ATAD2B: variants seen among roughly 807,000 people sequenced by gnomAD.
ATAD2B encodes ATPase family AAA domain containing 2B.
ATAD2B carries 40 observed loss-of-function variants against 167.6 expected under a neutral mutation model. The ratio of observed to expected loss-of-function variants is 0.24; its 90% CI spans 0.19 to 0.31. The LOEUF (loss-of-function observed/expected upper bound fraction) is 0.31. Ranked by LOEUF, ATAD2B falls within the 10% of genes least tolerant of loss-of-function variation. ATAD2B has a pLI of 1.00. For synonymous variants in ATAD2B, 579 were observed against 596.5 expected (o/e 0.97, Z 0.43); for missense variants, 1,242 against 1,757.2 (o/e 0.71, Z 5.24).
intron 1 of ATAD2B, 75 bp downstream of exon 1, chr2:23,926,480 C>G (rs1431958221): frequency 6.7e-7 from 1 of 1,499,362 alleles, no homozygotes; most frequent in African/African-American, 1.4e-5. Flanking sequence ...TTCCTACCCC[C>G]AACCCGGCCA....
At chr2:23,768,572 CAA>C (rs756238773) in intron 22 of ATAD2B, among the ~76,000 whole-genome samples, 35 of 135,494 alleles carry the variant, frequency 2.6e-4, no homozygotes, top group Non-Finnish European at 2.6e-4. Flanking sequence ...ATCCTGTCTC[CAA>C]AAAAAAAAAA....
intron 12 of ATAD2B, among the ~76,000 whole-genome samples, chr2:23,858,132 AT>A (rs1693729090): frequency 6.8e-6 from 1 of 147,440 alleles, no homozygotes; most frequent in Non-Finnish European, 1.5e-5. Context: ...TTATTTATTT[AT>A]TTTTTGAGAC....
At chr2:23,748,463 T>G (rs1675034224), downstream of ATAD2B, among the ~76,000 whole-genome samples, 1 of 152,150 alleles carries the variant, frequency 6.6e-6, no homozygotes, top group Non-Finnish European at 1.5e-5. Context: ...CAACTAAAAC[T>G]AAAACCACGC....
chr2:23,701,786 TTTTTTGC>T, the ATAD2B span, among the ~76,000 whole-genome samples: 9,284 of 128,934 alleles, frequency 0.072, 1,029 homozygotes, highest in African/African-American at 0.09. Context: ...CACATGGCTT[TTTTTTGC>T]TTTTTTTTTT....
chr2:23,693,598 G>C, the ATAD2B span: 1 of 1,462,656 alleles, frequency 6.8e-7, no homozygotes, highest in Non-Finnish European at 9.3e-7. Flanking sequence ...GGGGTCTGCA[G>C]CAAGGAGGAA....
At chr2:23,882,550 T>C (rs1194956146) in intron 6 of ATAD2B, among the ~76,000 whole-genome samples, 2 of 144,324 alleles carry the variant, frequency 1.4e-5, no homozygotes, top group Non-Finnish European at 3.0e-5. Flanking sequence ...GGCTCATGCC[T>C]ATAATCCCAG....
At chr2:23,711,970 G>A in the ATAD2B span, among the ~76,000 whole-genome samples, 2 of 152,054 alleles carry the variant, frequency 1.3e-5, no homozygotes, top group South Asian at 2.1e-4. Flanking sequence ...TTAAGAAGAC[G>A]AAACAGTCTC....
the ATAD2B span, among the ~76,000 whole-genome samples, chr2:23,711,731 C>T: frequency 6.6e-6 from 1 of 151,972 alleles, no homozygotes; most frequent in Admixed American, 6.6e-5. Context: ...ATTTTGGGTA[C>T]CATAAGCAAT....
chr2:23,851,587 A>G (rs962823149), intron 13 of ATAD2B, among the ~76,000 whole-genome samples: 6 of 152,166 alleles, frequency 3.9e-5, no homozygotes, highest in African/African-American at 1.4e-4. Flanking sequence ...ACTTATTTCA[A>G]CTGATGAACC....
chr2:23,793,172 G>A (rs1481343242), intron 19 of ATAD2B, among the ~76,000 whole-genome samples: 1 of 151,984 alleles, frequency 6.6e-6, no homozygotes, highest in East Asian at 1.9e-4. Context: ...CATAAACCTA[G>A]AGAGACAATG....
At chr2:23,828,380 A>G (rs1313617786) in intron 15 of ATAD2B, among the ~76,000 whole-genome samples, 1 of 152,224 alleles carries the variant, frequency 6.6e-6, no homozygotes, top group African/African-American at 2.4e-5. Context: ...ACTACCAAAT[A>G]TAATTAACTA....
At chr2:23,811,652 C>T (rs561140074) in intron 17 of ATAD2B, among the ~76,000 whole-genome samples, 65 of 152,056 alleles carry the variant, frequency 4.3e-4, no homozygotes, top group Non-Finnish European at 5.9e-4. Context: ...ATGCAGATGA[C>T]GGGTTGATAG....
At chr2:23,725,518 T>C in the ATAD2B span, among the ~76,000 whole-genome samples, 3 of 152,206 alleles carry the variant, frequency 2.0e-5, no homozygotes, top group Admixed American at 2.0e-4. Context: ...AAATATAACA[T>C]ATGGCTGGAA....
At chr2:23,715,191 G>A in the ATAD2B span, among the ~76,000 whole-genome samples, 2 of 152,160 alleles carry the variant, frequency 1.3e-5, no homozygotes, top group South Asian at 4.1e-4. Flanking sequence ...ATCTTTTTAA[G>A]TCACCTGCAG....
chr2:23,854,724 C>G (rs1693102583), intron 13 of ATAD2B, among the ~76,000 whole-genome samples: 1 of 147,218 alleles, frequency 6.8e-6, no homozygotes. Context: ...TCAAAGAAAA[C>G]ATCCAAGAAA....
chr2:23,876,960 G>A (rs1420879014), intron 7 of ATAD2B, among the ~76,000 whole-genome samples: 4 of 150,944 alleles, frequency 2.6e-5, no homozygotes, highest in Admixed American at 6.6e-5. Flanking sequence ...CCAGCTACTC[G>A]GGAGGCTGAG....
intron 25 of ATAD2B, among the ~76,000 whole-genome samples, chr2:23,757,170 G>A (rs965986204): frequency 2.6e-5 from 4 of 152,074 alleles, no homozygotes; most frequent in East Asian, 1.9e-4. Flanking sequence ...AAGAGTAAGC[G>A]GCCAGTAAAG....
the ATAD2B span, chr2:23,691,586 C>T: frequency 8.9e-7 from 1 of 1,128,170 alleles, no homozygotes; most frequent in Non-Finnish European, 1.3e-6. Flanking sequence ...AGGGCATGAC[C>T]AAGGTGTGCA....
At chr2:23,889,606 T>G (rs1699180688) in intron 2 of ATAD2B, among the ~76,000 whole-genome samples, 1 of 152,022 alleles carries the variant, frequency 6.6e-6, no homozygotes, top group African/African-American at 2.4e-5. Context: ...AGGTCACAGT[T>G]AAGACGACTA....
Sources: gnomAD v4.1 joint callset for allele counts (sites outside exome capture counted in the v4.1 genomes callset) on GRCh38, gnomAD v4.1.1 for gene constraint, MANE v1.5 for transcripts, NCBI Gene and HGNC (gene_info 2026-07-23, HGNC 2026-07-21) for gene names.